Variants in SEC61A1 observed in about 807,000 individuals in gnomAD.
SEC61A1 encodes protein transport protein Sec61 subunit alpha isoform 1.
A neutral mutation model predicts 55.2 loss-of-function variants in SEC61A1; 15 were observed. The ratio of observed to expected loss-of-function variants is 0.27; its 90% CI spans 0.18 to 0.42. The LOEUF is 0.42. Among genes scored for constraint, SEC61A1 ranks in the 10% least tolerant of loss-of-function variants. The pLI is 1.00. For missense variants in SEC61A1, 284 were observed against 602.6 expected, an observed-to-expected ratio of 0.47 and a Z score of 5.53; for synonymous variants, 247 against 234.0, an observed-to-expected ratio of 1.06 and a Z score of -0.51.
intron 8 of SEC61A1, among the ~76,000 whole-genome samples, chr3:128,065,852 C>T (rs959048006): frequency 1.3e-5 from 2 of 148,942 alleles, no homozygotes; most frequent in African/African-American, 2.5e-5. Context: ...AGCGATTCTC[C>T]TGCCTCAGCC....
rs1406933869 is a variant in SEC61A1, at chr3:128,069,710, A to G, written c.*48A>G. ...GGAAGCTGCTCCAGAAGCGCCTCGG[A>G]AGGGGAGCTCTCATCATGGCGCGTG... On this transcript the variant is annotated 3_prime_UTR_variant, in exon 12 of 12. Transcript: ENST00000243253. 1 of 1,548,030 alleles carries G rather than the reference A, an allele frequency of 6.5e-7. No homozygotes were observed. The highest frequency in any genetic ancestry group is 2.3e-5 in the East Asian group (1 of 44,408).
In SEC61A1 at chr3:128,069,732, C is replaced by CCAT; in HGVS notation, c.*70_*71insCAT. On this transcript the variant is annotated 3_prime_UTR_variant, in exon 12 of 12. Coordinates refer to ENST00000243253, the MANE Select transcript of SEC61A1 (RefSeq NM_013336.4). The stretch of plus-strand genomic sequence containing the variant: ...CGGAAGGGGAGCTCTCATCATGGCG[C>CCAT]GTGCTGCTGCGGCATATGGACTTTT... The CCAT allele has an allele frequency of 7.7e-7, 1 of 1,296,120 alleles. No individual in the cohort carries two copies. Among genetic ancestry groups the CCAT allele is most frequent in the Non-Finnish European group, 1.1e-6 (1 of 907,922 alleles). The allele number at this position is 1,296,120 out of a possible 1,614,324, so 80.3% of individuals were successfully genotyped here.
At chr3:128,054,041 T>C (rs1278099066) in intron 2 of SEC61A1, among the ~76,000 whole-genome samples, 1 of 152,222 alleles carries the variant, frequency 6.6e-6, no homozygotes, top group Non-Finnish European at 1.5e-5. Flanking sequence ...ATGTAGTTGC[T>C]ATTGATAGAA....
chr3:128,062,854 A>T (rs1338542097), intron 7 of SEC61A1, among the ~76,000 whole-genome samples: 2 of 152,208 alleles, frequency 1.3e-5, no homozygotes, highest in Non-Finnish European at 2.9e-5. Flanking sequence ...TCCTGACAGC[A>T]TCCAGAGACA....
upstream of SEC61A1, chr3:128,052,429 C>G: frequency 7.4e-7 from 1 of 1,345,990 alleles, no homozygotes; most frequent in Non-Finnish European, 9.6e-7. Flanking sequence ...TGCCGCCGGG[C>G]TAGCACTGAC....
rs1022555896 is a variant in SEC61A1 at position 128,067,999 on chromosome 3, A to C, written c.1184A>C (p.Lys395Thr). 6.2e-7 allele frequency: 1 copy of C among 1,613,838 alleles called. No individual in the cohort carries two copies. Among genetic ancestry groups the C allele is most frequent in the African/African-American group, 1.3e-5 (1 of 74,884 alleles). Residue 395 changes from lysine to threonine, a missense_variant, in exon 11 of 12, where the codon AAG (lysine) becomes ACG (threonine). By Grantham distance (78) the Lys-to-Thr change is moderately conservative. Coordinates refer to ENST00000243253, the MANE Select transcript of SEC61A1 (RefSeq NM_013336.4). This position sits in a 1 kb window ranked among gnomAD's most constrained non-coding sequence, Gnocchi z 4.1. ...ACCCTGCAGGTTGCAAAGCAGCTGA[A>C]GGAGCAGCAGATGGTGATGAGAGGC... ...SSAKDVAKQL[K>T]EQQMVMRGHR...
chr3:128,064,964 A>G lies in SEC61A1; in HGVS notation c.704A>G (p.Tyr235Cys), dbSNP rs749241924. The G allele has an allele frequency of 6.2e-7, 1 of 1,614,188 alleles. No homozygotes were observed. Reference protein sequence around the residue: ...DKVRALREAFYRQNLPNLMNL... With the variant: ...DKVRALREAFCRQNLPNLMNL... ...GTCCGAGCCCTTCGGGAGGCGTTCT[A>G]CCGCCAGAATCTTCCCAACCTCATG... Residue 235 changes from tyrosine (Y) to cysteine (C), a missense_variant, in exon 8 of 12, where the codon TAC (tyrosine) becomes TGC (cysteine). Physicochemically the swap from Tyr to Cys is radical, Grantham distance 194. Coordinates refer to ENST00000243253, the MANE Select transcript of SEC61A1 (RefSeq NM_013336.4).
intron 7 of SEC61A1, among the ~76,000 whole-genome samples, chr3:128,062,682 C>G (rs1941868157): frequency 6.6e-6 from 1 of 152,180 alleles, no homozygotes; most frequent in Admixed American, 6.5e-5. Flanking sequence ...GAAGATGTAG[C>G]AGGTGGTCCT....
intron 2 of SEC61A1, among the ~76,000 whole-genome samples, chr3:128,055,276 T>C (rs1941755241): frequency 6.6e-6 from 1 of 152,184 alleles, no homozygotes. Context: ...ATAAAGGTAA[T>C]GCTCTGTGGT....
At chr3:128,057,874 T>C (rs1308328423) in intron 5 of SEC61A1, among the ~76,000 whole-genome samples, 1 of 151,844 alleles carries the variant, frequency 6.6e-6, no homozygotes, top group African/African-American at 2.4e-5. Flanking sequence ...AAAAAAAGAA[T>C]TTAACTGAAG....
intron 5 of SEC61A1, among the ~76,000 whole-genome samples, chr3:128,059,328 C>T (rs972087512): frequency 2.6e-5 from 4 of 152,112 alleles, no homozygotes; most frequent in African/African-American, 9.7e-5. Context: ...AAAAAATTAG[C>T]TGGCTGTGGT....
At chr3:128,055,349 G>A (rs985063955) in intron 2 of SEC61A1, among the ~76,000 whole-genome samples, 167 bp from the exon 3 acceptor site, 2 of 152,188 alleles carry the variant, frequency 1.3e-5, no homozygotes, top group Admixed American at 1.3e-4. Flanking sequence ...AGGAAGTTAC[G>A]CAGTACATGG....
At chr3:128,068,092 T>C in intron 11 of SEC61A1, 33 bp downstream of exon 11, 1 of 1,555,736 alleles carries the variant, frequency 6.4e-7, no homozygotes. Context: ...CAACCTCCCG[T>C]CTGTGGACAT....
At chr3:128,051,654 T>A, upstream of SEC61A1, 3 of 1,412,678 alleles carry the variant, frequency 2.1e-6, no homozygotes, top group Non-Finnish European at 2.8e-6. Context: ...CACACCGCCA[T>A]GCTTTGCCCA....
chr3:128,063,544 C>T (rs929582962), intron 7 of SEC61A1, among the ~76,000 whole-genome samples: 1 of 152,206 alleles, frequency 6.6e-6, no homozygotes, highest in East Asian at 1.9e-4. Flanking sequence ...ACCATCTTGG[C>T]CAGGCTGGTC....
chr3:128,067,974 A>C lies in SEC61A1; in HGVS notation c.1168-9A>C. The C allele has an allele frequency of 6.2e-7, 1 of 1,613,080 alleles. No individual in the cohort carries two copies. Among genetic ancestry groups the C allele is most frequent in the Non-Finnish European group, 8.5e-7 (1 of 1,179,282 alleles). ...CAATTCCAACTTCTCCCCTGTGGGCACCCTGCAGGTTGCAAAGCAGCTGAA... is the reference window on the plus strand; with the variant it reads ...CAATTCCAACTTCTCCCCTGTGGGCCCCCTGCAGGTTGCAAAGCAGCTGAA... On this transcript the variant is annotated splice_polypyrimidine_tract_variant and intron_variant, in intron 10 of 11. Transcript: ENST00000243253. The surrounding 1 kb of genome is among the most constrained non-coding windows in gnomAD (Gnocchi z 4.1).
At chr3:128,052,005 TC>T, upstream of SEC61A1, 1 of 930,232 alleles carries the variant, frequency 1.1e-6, no homozygotes, top group Non-Finnish European at 1.7e-6. Flanking sequence ...AGGTCCCTGC[TC>T]CAGGGAGCTT....
rs902985930 is a variant in SEC61A1, at chr3:128,067,908, T to C, written c.1168-75T>C. ...AGTGCTCGAAGAGGCGATCTGTAAC[T>C]GTTCAGTACCACTTGGAATGCCTAT... On this transcript the variant is annotated intron_variant, in intron 10 of 11. Transcript: ENST00000243253. This position sits in a 1 kb window ranked among gnomAD's most constrained non-coding sequence, Gnocchi z 4.1. 3 of 1,157,830 alleles carry C rather than the reference T, an allele frequency of 2.6e-6. No individual in the cohort carries two copies. The highest frequency in any genetic ancestry group is 3.9e-6 in the Non-Finnish European group (3 of 768,346). 71.7% of individuals were successfully genotyped at this position (1,157,830 alleles called of 1,614,324 possible). A position where few individuals can be genotyped will look rare whatever the true frequency, so the allele number is the denominator to read the frequency against.
chr3:128,064,312 CAT>C (rs72432592), intron 7 of SEC61A1, among the ~76,000 whole-genome samples: 19,153 of 151,990 alleles, frequency 0.13, 3,064 homozygotes, highest in African/African-American at 0.36. Flanking sequence ...GCCACTGACT[CAT>C]GTGCCTAAGA....
Sources: allele counts gnomAD v4.1 joint callset (sites outside exome capture counted in the v4.1 genomes callset), GRCh38; gene constraint gnomAD v4.1.1; non-coding constraint Gnocchi (gnomAD v3.1); transcripts MANE v1.5; gene names NCBI Gene and HGNC (gene_info 2026-07-23, HGNC 2026-07-21).